EPB41L2: variants seen among roughly 807,000 people sequenced by gnomAD.
EPB41L2 encodes the protein band 4.1-like protein 2.
EPB41L2 carries 43 observed loss-of-function variants against 113.0 expected under a neutral mutation model. That is an observed-to-expected ratio of 0.38 (90% CI 0.30 to 0.49). EPB41L2 has a LOEUF of 0.49. Ranked by LOEUF, EPB41L2 falls within the 20% of genes least tolerant of loss-of-function variation. EPB41L2 has a pLI of 0.95. For missense variants in EPB41L2, 1,147 were observed against 1,223.4 expected (o/e 0.94, Z 0.93); for synonymous variants, 442 against 436.7 (o/e 1.01, Z -0.15).
At chr6:130,902,084 T>G (rs1796448171) in intron 6 of EPB41L2, among the ~76,000 whole-genome samples, 1 of 152,240 alleles carries the variant, frequency 6.6e-6, no homozygotes, top group Non-Finnish European at 1.5e-5. Flanking sequence ...AAAATGTGAT[T>G]TCTACTCTTT....
intron 1 of EPB41L2, among the ~76,000 whole-genome samples, chr6:131,047,219 C>T (rs1291535423): frequency 6.6e-6 from 1 of 152,054 alleles, no homozygotes; most frequent in Non-Finnish European, 1.5e-5. Context: ...ACCTCTAGTC[C>T]CAGGTACTCA....
chr6:130,996,714 A>C (rs1783209943), intron 1 of EPB41L2, among the ~76,000 whole-genome samples: 1 of 152,238 alleles, frequency 6.6e-6, no homozygotes. Flanking sequence ...ATTTAAAAGG[A>C]TAATGCTGTT....
intron 1 of EPB41L2, among the ~76,000 whole-genome samples, chr6:130,996,126 C>T (rs1182526122): frequency 2.6e-5 from 4 of 152,186 alleles, no homozygotes; most frequent in Admixed American, 2.6e-4. Flanking sequence ...ACTTATACCC[C>T]TTAGTTACAA....
chr6:130,875,670 A>G (rs759797475), intron 14 of EPB41L2, among the ~76,000 whole-genome samples: 10 of 152,046 alleles, frequency 6.6e-5, no homozygotes, highest in Non-Finnish European at 1.2e-4. Context: ...TTTACTTCCT[A>G]GTGTCTGAAA....
At chr6:130,971,166 G>T (rs1174574995) in intron 1 of EPB41L2, among the ~76,000 whole-genome samples, 1 of 152,080 alleles carries the variant, frequency 6.6e-6, no homozygotes, top group African/African-American at 2.4e-5. Flanking sequence ...CAAAATGTTG[G>T]GATTACAGGT....
chr6:130,964,454 GTTATT>G (rs1382071797), intron 1 of EPB41L2, among the ~76,000 whole-genome samples: 3 of 149,550 alleles, frequency 2.0e-5, no homozygotes, highest in Admixed American at 6.7e-5. Context: ...CCGCAGACAA[GTTATT>G]TTAGCCTTGC....
At chr6:131,012,540 A>G (rs1787282575) in intron 1 of EPB41L2, among the ~76,000 whole-genome samples, 1 of 150,532 alleles carries the variant, frequency 6.6e-6, no homozygotes, top group Non-Finnish European at 1.5e-5. Context: ...ACAATGAAGA[A>G]GAAACTGATG....
chr6:131,026,612 G>A (rs1162675061), intron 1 of EPB41L2, among the ~76,000 whole-genome samples: 1 of 152,122 alleles, frequency 6.6e-6, no homozygotes, highest in Non-Finnish European at 1.5e-5. Context: ...TATGAGGGTA[G>A]TCACTTTGTA....
chr6:131,061,467 G>C (rs1798643972), intron 1 of EPB41L2, among the ~76,000 whole-genome samples: 1 of 152,168 alleles, frequency 6.6e-6, no homozygotes, highest in South Asian at 2.1e-4. Context: ...TTCAAAAGTT[G>C]TGTCAAACTC....
At chr6:130,983,758 GGT>G (rs1779904175) in intron 1 of EPB41L2, among the ~76,000 whole-genome samples, 1 of 151,830 alleles carries the variant, frequency 6.6e-6, no homozygotes, top group East Asian at 1.9e-4. Context: ...CAAGCTCCTG[GGT>G]TCAAGCAATC....
rs186431326 is a variant in EPB41L2, at chr6:131,022,894, T to C, written c.-15+40261A>G. ...TAATCAAACATGTTTCTGGATAAAA[T>C]TCTTGTGACATCATCATACCAGACT... is the stretch of plus-strand genomic sequence containing the variant. On this transcript the variant is annotated intron_variant, in intron 1 of 19. Coordinates refer to ENST00000337057, the MANE Select transcript of EPB41L2 (RefSeq NM_001431.4). Among the ~76,000 whole-genome samples the C allele has an allele frequency of 7.9e-5, 12 of 152,360 alleles. No homozygotes were observed. The East Asian group carries it at 2.3e-3, about 29-fold the overall frequency.
intron 1 of EPB41L2, among the ~76,000 whole-genome samples, chr6:130,984,917 T>C (rs1238596096): frequency 6.6e-6 from 1 of 152,158 alleles, no homozygotes; most frequent in Non-Finnish European, 1.5e-5. Context: ...GAATTGCCAT[T>C]GGTAGGAAAA....
chr6:130,955,655 C>T (rs1005905907), intron 2 of EPB41L2, among the ~76,000 whole-genome samples: 3 of 152,256 alleles, frequency 2.0e-5, no homozygotes, highest in South Asian at 2.1e-4. Flanking sequence ...AACTAAAATG[C>T]GCACACACAA....
chr6:130,907,419 A>G (rs1798057800), intron 5 of EPB41L2, among the ~76,000 whole-genome samples: 1 of 151,932 alleles, frequency 6.6e-6, no homozygotes, highest in Non-Finnish European at 1.5e-5. Context: ...AAACACCAAG[A>G]AAATAAATGC....
chr6:131,004,336 G>A (rs1349008577), intron 1 of EPB41L2, among the ~76,000 whole-genome samples: 1 of 152,190 alleles, frequency 6.6e-6, no homozygotes, highest in Non-Finnish European at 1.5e-5. Context: ...TCTGTAAAAT[G>A]AGGTTAAGGA....
intron 19 of EPB41L2, among the ~76,000 whole-genome samples, chr6:130,847,285 A>AG (rs1777337321): frequency 2.0e-5 from 3 of 152,148 alleles, no homozygotes; most frequent in Non-Finnish European, 4.4e-5. Flanking sequence ...TGTTTGGCCA[A>AG]TCAGAAGCAT....
At chr6:130,959,617 T>C (rs932251755) in intron 1 of EPB41L2, among the ~76,000 whole-genome samples, 7 of 152,252 alleles carry the variant, frequency 4.6e-5, no homozygotes, top group Admixed American at 4.6e-4. Context: ...AAGTATGTCT[T>C]CCAGCAAGAC....
intron 4 of EPB41L2, among the ~76,000 whole-genome samples, chr6:130,924,849 A>G (rs1318544666): frequency 6.6e-6 from 1 of 152,200 alleles, no homozygotes; most frequent in East Asian, 1.9e-4. Context: ...GGTGTGATAT[A>G]ACACACACGT....
chr6:130,984,755 A>C (rs1780151812), intron 1 of EPB41L2, among the ~76,000 whole-genome samples: 1 of 152,232 alleles, frequency 6.6e-6, no homozygotes, highest in South Asian at 2.1e-4. Flanking sequence ...CTGTCTCCTT[A>C]AGAAAATACA....
Sources: allele counts gnomAD v4.1 joint callset (sites outside exome capture counted in the v4.1 genomes callset), GRCh38; gene constraint gnomAD v4.1.1; transcripts MANE v1.5; gene names NCBI Gene and HGNC (gene_info 2026-07-23, HGNC 2026-07-21).